Variants in SCTR observed in about 807,000 individuals in gnomAD.
SCTR encodes the protein secretin receptor.
Under a neutral mutation model 60.8 loss-of-function variants are expected in SCTR, and 56 were observed. That is an observed-to-expected ratio of 0.92 (90% confidence interval 0.74 to 1.15). The LOEUF (loss-of-function observed/expected upper bound fraction) is 1.15, where lower values mean the gene tolerates loss of function less well. SCTR is among the 50% of genes most tolerant of loss of function. The probability of loss-of-function intolerance (pLI) is 0.00; values close to 1 mark genes in which losing one functional copy is unlikely to be tolerated. For missense variants in SCTR, 562 were observed against 550.4 expected, an observed-to-expected ratio of 1.02 and a Z score of -0.21; for synonymous variants, 202 against 217.0, an observed-to-expected ratio of 0.93 and a Z score of 0.61.
chr2:119,522,886 C>T (rs1679330363), intron 1 of SCTR, among the ~76,000 whole-genome samples: 1 of 152,176 alleles, frequency 6.6e-6, no homozygotes, highest in Non-Finnish European at 1.5e-5. Context: ...CTAGCGTCTT[C>T]CAAGGCCAGC....
intron 9 of SCTR, 76 bp downstream of exon 9, chr2:119,451,934 C>G: frequency 4.4e-6 from 4 of 908,622 alleles, no homozygotes; most frequent in East Asian, 2.5e-5. Context: ...TGTCCTTCCA[C>G]CCTCTGCCCC....
chr2:119,490,531 C>T (rs1678073851), intron 2 of SCTR, among the ~76,000 whole-genome samples: 1 of 152,238 alleles, frequency 6.6e-6, no homozygotes, highest in Non-Finnish European at 1.5e-5. Flanking sequence ...TCTAAAACTA[C>T]ATGTGTGATT....
At chr2:119,445,692 G>T (rs1457771961) in intron 11 of SCTR, among the ~76,000 whole-genome samples, 1 of 152,166 alleles carries the variant, frequency 6.6e-6, no homozygotes, top group Non-Finnish European at 1.5e-5. Flanking sequence ...GGAGAATTTT[G>T]TCTCAGGCCT....
chr2:119,503,178 T>C (rs879590098), intron 1 of SCTR, among the ~76,000 whole-genome samples: 2 of 109,780 alleles, frequency 1.8e-5, no homozygotes, highest in African/African-American at 7.2e-5. Flanking sequence ...AAAAAAAAAA[T>C]AGAAAAGAAA....
At chr2:119,456,967 G>A (rs898809416) in intron 7 of SCTR, among the ~76,000 whole-genome samples, 7 of 152,190 alleles carry the variant, frequency 4.6e-5, no homozygotes, top group South Asian at 2.1e-4. Flanking sequence ...GGGATCCTCC[G>A]TCAGGGCCTC....
chr2:119,448,658 G>A, intron 10 of SCTR, 31 bp downstream of exon 10: 1 of 1,215,792 alleles, frequency 8.2e-7, no homozygotes, highest in South Asian at 1.2e-5. Flanking sequence ...CTTGCTGACT[G>A]ACCATGCCTC....
At chr2:119,523,702 A>G (rs985986527) in intron 1 of SCTR, among the ~76,000 whole-genome samples, 1 of 152,052 alleles carries the variant, frequency 6.6e-6, no homozygotes, top group Non-Finnish European at 1.5e-5. Flanking sequence ...GACTTGCAGC[A>G]AGAATTTTTA....
At chr2:119,476,314 A>AC (rs1677301343) in intron 3 of SCTR, 1 of 151,970 alleles carries the variant, frequency 6.6e-6, no homozygotes, top group Admixed American at 6.6e-5. Context: ...TGGGCCACCC[A>AC]CCCCCAGGCT....
intron 2 of SCTR, chr2:119,487,175 A>C (rs561214693): frequency 2.0e-5 from 3 of 152,334 alleles, no homozygotes; most frequent in African/African-American, 7.2e-5. Flanking sequence ...GTGATGACTT[A>C]ATGGGTACAG....
intron 2 of SCTR, among the ~76,000 whole-genome samples, chr2:119,487,846 C>A (rs1677940215): frequency 6.6e-6 from 1 of 152,100 alleles, no homozygotes; most frequent in Non-Finnish European, 1.5e-5. Flanking sequence ...CAAACATTAA[C>A]CTCTACCCCA....
intron 1 of SCTR, among the ~76,000 whole-genome samples, chr2:119,512,182 T>C (rs904325363): frequency 6.6e-6 from 1 of 152,190 alleles, no homozygotes; most frequent in South Asian, 2.1e-4. Flanking sequence ...CCTCCCTTCA[T>C]CTTTATGCTG....
At chr2:119,518,649 G>A (rs1197831406) in intron 1 of SCTR, among the ~76,000 whole-genome samples, 1 of 152,212 alleles carries the variant, frequency 6.6e-6, no homozygotes, top group Non-Finnish European at 1.5e-5. Flanking sequence ...TAGCATCTGA[G>A]TATTGTGGTT....
At position 119,461,877 on chromosome 2, in the gene SCTR, ACTTT is replaced by A. The variant is rs1683620155; in HGVS notation, c.756_759del (p.Arg252SerfsTer50). On this transcript the variant is annotated frameshift_variant, in exon 7 of 13. Coordinates refer to ENST00000019103, the MANE Select transcript of SCTR (RefSeq NM_002980.3). LOFTEE classifies it high-confidence loss of function. ...CCGAATGCCACAAATCCCTGGAGGTACTTTCTTTCAGAGAAGAAGGAGATGGCGA... is the reference window on the plus strand; with the variant it reads ...CCGAATGCCACAAATCCCTGGAGGTACTTTCAGAGAAGAAGGAGATGGCGA... 6.2e-7 allele frequency: 1 copy of A among 1,613,912 alleles called. No homozygotes were observed. Among genetic ancestry groups the A allele is most frequent in the Non-Finnish European group, 8.5e-7 (1 of 1,179,890 alleles).
chr2:119,493,932 C>T (rs2579658), intron 2 of SCTR, among the ~76,000 whole-genome samples: 2,876 of 152,084 alleles, frequency 0.019, 38 homozygotes, highest in South Asian at 0.053. Context: ...TGAGCCACCA[C>T]GCCTGGCCAC....
intron 9 of SCTR, among the ~76,000 whole-genome samples, chr2:119,451,274 C>T (rs1159593321): frequency 6.6e-6 from 1 of 152,202 alleles, no homozygotes; most frequent in African/African-American, 2.4e-5. Context: ...CTGTGTGTCC[C>T]CATGTGCCTT....
intron 12 of SCTR, among the ~76,000 whole-genome samples, chr2:119,441,061 C>A (rs1418990790): frequency 6.6e-6 from 1 of 152,216 alleles, no homozygotes; most frequent in African/African-American, 2.4e-5. Flanking sequence ...AGTGTGCAGT[C>A]TCCCAAGGAG....
chr2:119,467,103 G>C (rs1683866569), intron 4 of SCTR, among the ~76,000 whole-genome samples: 1 of 152,194 alleles, frequency 6.6e-6, no homozygotes, highest in African/African-American at 2.4e-5. Context: ...GATCTGGCCA[G>C]GCATGGTGGC....
intron 7 of SCTR, among the ~76,000 whole-genome samples, chr2:119,460,504 G>T (rs1156233023): frequency 6.6e-6 from 1 of 151,992 alleles, no homozygotes; most frequent in Non-Finnish European, 1.5e-5. Context: ...AAGTTAAAGG[G>T]CTTTGGAAAC....
At chr2:119,474,945 C>A (rs1677203802) in intron 3 of SCTR, among the ~76,000 whole-genome samples, 1 of 152,252 alleles carries the variant, frequency 6.6e-6, no homozygotes, top group South Asian at 2.1e-4. Context: ...GTCTGAAACC[C>A]AGTGCAGCCT....
Sources: gnomAD v4.1 joint callset for allele counts (sites outside exome capture counted in the v4.1 genomes callset) on GRCh38, gnomAD v4.1.1 for gene constraint, MANE v1.5 for transcripts, NCBI Gene and HGNC (gene_info 2026-07-23, HGNC 2026-07-21) for gene names.